Variants in TXLNB observed in about 807,000 individuals in gnomAD.
The protein encoded by TXLNB is beta-taxilin.
In TXLNB, 37 loss-of-function variants were observed where a neutral mutation model predicts 57.4. The ratio of observed to expected loss-of-function variants is 0.64; its 90% CI spans 0.50 to 0.85. TXLNB has a LOEUF of 0.85. Ranked by LOEUF, TXLNB falls within the 40% of genes least tolerant of loss-of-function variation. The pLI, the probability that TXLNB is intolerant of heterozygous loss-of-function variation, is 0.00. For synonymous variants in TXLNB, 302 were observed against 309.6 expected (o/e 0.98, Z 0.26); for missense variants, 848 against 825.6 (o/e 1.03, Z -0.33).
At chr6:139,194,118 T>A in the TXLNB span, among the ~76,000 whole-genome samples, 1 of 152,158 alleles carries the variant, frequency 6.6e-6, no homozygotes, top group Admixed American at 6.5e-5. Context: ...AATTTTTATA[T>A]TTTTAGTAGA....
the TXLNB span, among the ~76,000 whole-genome samples, chr6:139,220,237 C>A: frequency 6.6e-6 from 1 of 152,204 alleles, no homozygotes; most frequent in Non-Finnish European, 1.5e-5. Flanking sequence ...TCTGCTGGTA[C>A]CTTGATACTG....
chr6:139,166,993 G>T, the TXLNB span: 1 of 1,614,102 alleles, frequency 6.2e-7, no homozygotes, highest in Non-Finnish European at 8.5e-7. Flanking sequence ...ACAGCCCTGC[G>T]GGGTTGGCAG....
the TXLNB span, among the ~76,000 whole-genome samples, chr6:139,297,830 T>C: frequency 9.9e-5 from 15 of 152,230 alleles, no homozygotes; most frequent in Non-Finnish European, 2.2e-4. Flanking sequence ...TAGGACCAAG[T>C]TGAAGGAATC....
the TXLNB span, among the ~76,000 whole-genome samples, chr6:139,307,562 A>G: frequency 6.6e-6 from 1 of 152,228 alleles, no homozygotes; most frequent in Admixed American, 6.5e-5. Context: ...CTATAGTAAC[A>G]TATTCAGGTG....
the TXLNB span, among the ~76,000 whole-genome samples, chr6:139,312,599 A>G: frequency 1.3e-5 from 2 of 152,124 alleles, no homozygotes; most frequent in African/African-American, 4.8e-5. Flanking sequence ...GAAGAGGCTG[A>G]CCCCTAGGCC....
downstream of TXLNB, among the ~76,000 whole-genome samples, chr6:139,237,718 C>T (rs1475352950): frequency 6.6e-6 from 1 of 151,862 alleles, no homozygotes; most frequent in East Asian, 1.9e-4. Context: ...AACTGACTGT[C>T]AGTTCTGAAA....
chr6:139,243,570 A>C (rs1776004045), intron 9 of TXLNB, among the ~76,000 whole-genome samples: 1 of 151,760 alleles, frequency 6.6e-6, no homozygotes, highest in South Asian at 2.1e-4. Context: ...TTGGGAAAGA[A>C]AGATGGTCAG....
At chr6:139,289,095 C>T (rs990286887) in intron 1 of TXLNB, among the ~76,000 whole-genome samples, 182 bp from the exon 2 acceptor site, 4 of 152,154 alleles carry the variant, frequency 2.6e-5, no homozygotes, top group Non-Finnish European at 1.5e-5. Flanking sequence ...CCCCTCATAT[C>T]GTCTTATGCC....
intron 1 of TXLNB, among the ~76,000 whole-genome samples, chr6:139,291,471 A>T (rs563931844): frequency 2.1e-4 from 32 of 152,346 alleles, no homozygotes; most frequent in African/African-American, 7.2e-4. Context: ...TTGATTTTTT[A>T]AATTCTTAAT....
rs1775931599 is a variant in TXLNB, at chr6:139,241,483, C to A, written c.*1043G>T. ...ATTGGTAGTGCAAGAGGCAGGGGATCAAAGCACAGCCCCTTCTTAGTGTGA... is the reference window on the plus strand; with the variant it reads ...ATTGGTAGTGCAAGAGGCAGGGGATAAAAGCACAGCCCCTTCTTAGTGTGA... On this transcript the variant is annotated 3_prime_UTR_variant, in exon 10 of 10. Transcript: ENST00000358430. 6.6e-6 allele frequency: 1 copy of A among 152,156 alleles called. No homozygotes were observed. The highest frequency in any genetic ancestry group is 1.9e-4 in the East Asian group (1 of 5,204). 9.4% of individuals were successfully genotyped at this position (152,156 alleles called of 1,614,324 possible).
the TXLNB span, among the ~76,000 whole-genome samples, chr6:139,217,762 G>A: frequency 1.4e-4 from 21 of 151,506 alleles, no homozygotes; most frequent in African/African-American, 4.4e-4. Flanking sequence ...CCAGCTACTC[G>A]GGTGGCTGAG....
chr6:139,212,145 T>C, the TXLNB span, among the ~76,000 whole-genome samples: 3 of 151,960 alleles, frequency 2.0e-5, no homozygotes, highest in African/African-American at 7.3e-5. Context: ...AAGATACTCC[T>C]CGAGAAGAGC....
the TXLNB span, among the ~76,000 whole-genome samples, chr6:139,193,838 ATAT>A: frequency 9.5e-5 from 5 of 52,762 alleles, no homozygotes; most frequent in African/African-American, 4.1e-4. Context: ...ATATATATAT[ATAT>A]TTTTTTTTTT....
In TXLNB at chr6:139,288,889, T is replaced by C. The variant is rs2114642745; in HGVS notation, c.11A>G (p.Asn4Ser). Reference protein sequence around the residue: MEANHSEQLSAERQ... With the variant: MEASHSEQLSAERQ... Reference sequence around the variant, plus strand: ...TTCCGCTGAGAGCTGTTCAGAGTGATTAGCCTCCATCTTGGGAGTAGTATC... The same window carrying C: ...TTCCGCTGAGAGCTGTTCAGAGTGACTAGCCTCCATCTTGGGAGTAGTATC... Residue 4 changes from asparagine (N) to serine (S), a missense_variant, in exon 2 of 10, where the codon AAT (asparagine) becomes AGT (serine). Physicochemically the swap from Asn to Ser is conservative, Grantham distance 46. Transcript: ENST00000358430. The C allele has an allele frequency of 6.2e-7, 1 of 1,611,934 alleles. No individual in the cohort carries two copies. Among genetic ancestry groups the C allele is most frequent in the Non-Finnish European group, 8.5e-7 (1 of 1,178,346 alleles).
At chr6:139,293,030 G>A, upstream of TXLNB, among the ~76,000 whole-genome samples, 1 of 152,158 alleles carries the variant, frequency 6.6e-6, no homozygotes, top group East Asian at 1.9e-4. Flanking sequence ...TTGCAGATGT[G>A]AGGAAGGATC....
the TXLNB span, chr6:139,166,393 C>T: frequency 6.2e-7 from 1 of 1,614,218 alleles, no homozygotes; most frequent in East Asian, 2.2e-5. Context: ...CCTGCAGCAC[C>T]TGGATGCACC....
At chr6:139,206,199 T>C in the TXLNB span, among the ~76,000 whole-genome samples, 1 of 152,074 alleles carries the variant, frequency 6.6e-6, no homozygotes, top group Non-Finnish European at 1.5e-5. Flanking sequence ...AAACAAAACC[T>C]GAAAATACAG....
At chr6:139,161,228 TCA>T in the TXLNB span, among the ~76,000 whole-genome samples, 3 of 152,150 alleles carry the variant, frequency 2.0e-5, no homozygotes, top group Admixed American at 6.5e-5. Flanking sequence ...CCTGGGAGCC[TCA>T]CCCTGCTGGT....
the TXLNB span, among the ~76,000 whole-genome samples, chr6:139,230,001 C>T: frequency 6.6e-6 from 1 of 152,152 alleles, no homozygotes; most frequent in African/African-American, 2.4e-5. Context: ...CCCAATCTAT[C>T]CTTGGCTTTT....
Sources: gnomAD v4.1 joint callset for allele counts (sites outside exome capture counted in the v4.1 genomes callset) on GRCh38, gnomAD v4.1.1 for gene constraint, MANE v1.5 for transcripts, NCBI Gene and HGNC (gene_info 2026-07-23, HGNC 2026-07-21) for gene names.